BIRC6: variants seen among roughly 807,000 people sequenced by gnomAD.
BIRC6 encodes the protein baculoviral IAP repeat containing 6.
Under a neutral mutation model 503.3 loss-of-function variants are expected in BIRC6, and 98 were observed. That is an observed-to-expected ratio of 0.19 (90% CI 0.17 to 0.23). The LOEUF (loss-of-function observed/expected upper bound fraction) is 0.23. BIRC6 is among the 10% of genes least tolerant of loss of function. The pLI is 1.00. For missense variants in BIRC6, 5,360 were observed against 5,806.0 expected, an observed-to-expected ratio of 0.92 and a Z score of 2.50; for synonymous variants, 2,240 against 2,078.7, an observed-to-expected ratio of 1.08 and a Z score of -2.11.
At chr2:32,597,725 G>A (rs751839167) in intron 68 of BIRC6, 26 bp from the exon 69 acceptor site, 16 of 1,561,092 alleles carry the variant, frequency 1.0e-5, no homozygotes, top group African/African-American at 1.4e-5. Flanking sequence ...TGCAGTTCTG[G>A]GTTTTATTTT....
At chr2:32,538,548 C>T (rs80309448) in intron 61 of BIRC6, among the ~76,000 whole-genome samples, 1 of 152,192 alleles carries the variant, frequency 6.6e-6, no homozygotes, top group Non-Finnish European at 1.5e-5. Context: ...AGGGTGATCT[C>T]CCAATAATTT....
At chr2:32,371,960 C>T (rs1459340653) in intron 1 of BIRC6, among the ~76,000 whole-genome samples, 2 of 151,838 alleles carry the variant, frequency 1.3e-5, no homozygotes, top group African/African-American at 4.8e-5. Flanking sequence ...TGCCTGCCAC[C>T]GTGCCCAGTT....
In BIRC6 at chr2:32,543,463, G is replaced by A; in HGVS notation, c.12514G>A (p.Glu4172Lys). The change falls in exon 62 of 74, where the codon GAA becomes AAA. Residue 4172 changes from glutamate (E) to lysine (K), a missense_variant. Physicochemically the swap from Glu to Lys is moderately conservative, Grantham distance 56. Coordinates refer to ENST00000421745, the MANE Select transcript of BIRC6 (RefSeq NM_016252.4). ...GLFLRLPGYA[E>K]VLLKERKHAQ... ...ATTTCTTCGTCTTCCGGGCTATGCGGAAGTGCTACTGAAAGAGAGAAAACA... is the reference window on the plus strand; with the variant it reads ...ATTTCTTCGTCTTCCGGGCTATGCGAAAGTGCTACTGAAAGAGAGAAAACA... The A allele has an allele frequency of 6.2e-7, 1 of 1,614,010 alleles. No individual in the cohort carries two copies. The highest frequency in any genetic ancestry group is 1.1e-5 in the South Asian group (1 of 91,086).
intron 62 of BIRC6, among the ~76,000 whole-genome samples, chr2:32,545,184 T>C (rs1266155697): frequency 4.6e-5 from 7 of 152,182 alleles, no homozygotes; most frequent in Non-Finnish European, 1.0e-4. Context: ...CATTGCTTTC[T>C]TTGCATTTAA....
intron 55 of BIRC6, among the ~76,000 whole-genome samples, chr2:32,516,797 C>CA (rs1263876738): frequency 6.6e-6 from 1 of 151,942 alleles, no homozygotes; most frequent in Non-Finnish European, 1.5e-5. Flanking sequence ...TGACCTTGGG[C>CA]ATATTGGTTA....
At chr2:32,546,815 A>G (rs921100638) in intron 63 of BIRC6, among the ~76,000 whole-genome samples, 2 of 152,144 alleles carry the variant, frequency 1.3e-5, no homozygotes, top group African/African-American at 4.8e-5. Flanking sequence ...ATGGTAGCTC[A>G]TGTTTGTAAT....
chr2:32,431,114 T>A, intron 12 of BIRC6, 24 bp downstream of exon 12: 1 of 1,509,720 alleles, frequency 6.6e-7, no homozygotes, highest in Non-Finnish European at 9.1e-7. Context: ...CCAAGATAAT[T>A]AATTTTAAGT....
rs1311326300 is a variant in BIRC6 at position 32,518,826 on chromosome 2, G to C, written c.11503G>C (p.Gly3835Arg). 1.2e-6 allele frequency: 2 copies of C among 1,613,018 alleles called. No homozygotes were observed. The highest frequency in any genetic ancestry group is 3.3e-5 in the Admixed American group (2 of 59,998). Residue 3835 changes from glycine (G) to arginine (R), a missense_variant, in exon 57 of 74, where the codon GGT becomes CGT. This residue lies in a region of BIRC6 where 878 missense variants were observed against 928.9 expected (regional missense o/e 0.95). Transcript: ENST00000421745. ...ATTTCTTGATTTTCAGCTGTACAAA[G>C]GTAGAATTAATGCTACTAGCCACGT... ...FLQSPCPLYKGRINATSHVIQ... is the reference protein window; with the variant it reads ...FLQSPCPLYKRRINATSHVIQ...
At chr2:32,493,412 A>C in intron 44 of BIRC6, 128 bp from the exon 45 acceptor site, 2 of 761,886 alleles carry the variant, frequency 2.6e-6, no homozygotes, top group Non-Finnish European at 4.0e-6. Context: ...CATTGTTAAT[A>C]CTTTTGTTTT....
chr2:32,370,788 C>T (rs1432632820), intron 1 of BIRC6, among the ~76,000 whole-genome samples: 1 of 151,938 alleles, frequency 6.6e-6, no homozygotes, highest in East Asian at 1.9e-4. Flanking sequence ...TCTTTATTGA[C>T]TTTGAATGAT....
At position 32,357,292 on chromosome 2, in the gene BIRC6, CGGCGGG is replaced by C. The variant is rs776739671; in HGVS notation, c.143_148del (p.Gly48_Ala49del). On this transcript the variant is annotated inframe_deletion, in exon 1 of 74. Coordinates refer to ENST00000421745, the MANE Select transcript of BIRC6 (RefSeq NM_016252.4). This position sits in a 1 kb window ranked among gnomAD's most constrained non-coding sequence, Gnocchi z 4.9. Reference sequence around the variant, plus strand: ...GCCTCGGGCCCCGGCTGCTCCTCGGCGGCGGGGGCGGGGGCGGCCGGGGTCTCAGAG... The same window carrying C: ...GCCTCGGGCCCCGGCTGCTCCTCGGCGGCGGGGGCGGCCGGGGTCTCAGAG... 7.2e-6 allele frequency: 11 copies of C among 1,524,306 alleles called. No homozygotes were observed. Among genetic ancestry groups the C allele is most frequent in the Admixed American group, 6.3e-5 (3 of 47,332 alleles). The allele number at this position is 1,524,306 out of a possible 1,614,324, so 94.4% of individuals were successfully genotyped here. A position where few individuals can be genotyped will look rare whatever the true frequency, so the allele number is the denominator to read the frequency against.
intron 15 of BIRC6, among the ~76,000 whole-genome samples, chr2:32,439,190 CGTGTGTATGTGTGTGT>C (rs967219101): frequency 4.0e-5 from 6 of 149,524 alleles, no homozygotes; most frequent in Non-Finnish European, 7.4e-5. Context: ...TGTGTGTGTG[CGTGTGTATGTGTGTGT>C]GTAGTTGATG....
At position 32,439,529 on chromosome 2, in the gene BIRC6, G is replaced by A. The variant is rs1451029366; in HGVS notation, c.3653G>A (p.Arg1218His). Residue 1218 changes from arginine (R) to histidine (H), a missense_variant, in exon 16 of 74, where the codon CGT becomes CAT. Physicochemically the swap from Arg to His is conservative, Grantham distance 29. Coordinates refer to ENST00000421745, the MANE Select transcript of BIRC6 (RefSeq NM_016252.4). Reference protein sequence around the residue: ...LVKGMAGGKYRSFLIHVKAVN... With the variant: ...LVKGMAGGKYHSFLIHVKAVN... The stretch of plus-strand genomic sequence containing the variant: ...CTAGGTATGGCAGGAGGAAAATATC[G>A]TTCGTTTTTAATCCATGTCAAGGCA... The A allele has an allele frequency of 5.0e-6, 8 of 1,613,254 alleles. No individual in the cohort carries two copies. Among genetic ancestry groups the A allele is most frequent in the South Asian group, 1.1e-5 (1 of 90,904 alleles).
intron 65 of BIRC6, among the ~76,000 whole-genome samples, chr2:32,561,832 A>T (rs1037958522): frequency 2.7e-5 from 4 of 150,688 alleles, no homozygotes; most frequent in Non-Finnish European, 5.9e-5. Flanking sequence ...TCACGAGGTC[A>T]GGAGTTCGAG....
chr2:32,397,057 T>G (rs1436413446), intron 6 of BIRC6, among the ~76,000 whole-genome samples: 3 of 152,116 alleles, frequency 2.0e-5, no homozygotes, highest in Non-Finnish European at 4.4e-5. Flanking sequence ...CAATATACTG[T>G]AATAAAAGTT....
At position 32,461,048 on chromosome 2, in the gene BIRC6, T is replaced by C. The variant is rs202077803; in HGVS notation, c.4754-2146T>C. Among the ~76,000 whole-genome samples the C allele has an allele frequency of 7.1e-3, 435 of 61,014 alleles. 14 individuals carry two copies. The highest frequency in any genetic ancestry group is 0.012 in the Non-Finnish European group (296 of 24,316). 40.0% of individuals were successfully genotyped at this position (61,014 alleles called of 152,430 possible). A position where few individuals can be genotyped will look rare whatever the true frequency, so the allele number is the denominator to read the frequency against. On this transcript the variant is annotated intron_variant, in intron 23 of 73. Coordinates refer to ENST00000421745, the MANE Select transcript of BIRC6 (RefSeq NM_016252.4). ...TTCTCTTCTCTTCTCTTCTCTTCTCTTCTCTTCTCTTCTCTTCTGTTCTCC... is the reference window on the plus strand; with the variant it reads ...TTCTCTTCTCTTCTCTTCTCTTCTCCTCTCTTCTCTTCTCTTCTGTTCTCC...
At chr2:32,455,993 A>C (rs2148682061) in intron 23 of BIRC6, among the ~76,000 whole-genome samples, 1 of 152,336 alleles carries the variant, frequency 6.6e-6, no homozygotes, top group African/African-American at 2.4e-5. Context: ...TATAATATCT[A>C]TGCGGAAAAG....
In BIRC6 at chr2:32,442,463, T is replaced by A; in HGVS notation, c.4238+8T>A. 1 of 1,590,206 alleles carries A rather than the reference T, an allele frequency of 6.3e-7. No individual in the cohort carries two copies. The highest frequency in any genetic ancestry group is 1.3e-5 in the African/African-American group (1 of 74,524). On this transcript the variant is annotated splice_region_variant and intron_variant, in intron 19 of 73. Transcript: ENST00000421745. Reference sequence around the variant, plus strand: ...TCTAGCCTTGTGCATTAGGTTGGTATGTTTTTAAGTTGAAAGCATACTTTC... The same window carrying A: ...TCTAGCCTTGTGCATTAGGTTGGTAAGTTTTTAAGTTGAAAGCATACTTTC...
In BIRC6 at chr2:32,464,493, T is replaced by G; in HGVS notation, c.4942-16T>G. 1 of 1,547,908 alleles carries G rather than the reference T, an allele frequency of 6.5e-7. No individual in the cohort carries two copies. The highest frequency in any genetic ancestry group is 8.7e-7 in the Non-Finnish European group (1 of 1,144,572). ...GCAGGATTAGTCTATATATGTTGCT[T>G]TTACTTCTTTTGCAGAAAGCAAAGC... On this transcript the variant is annotated splice_polypyrimidine_tract_variant and intron_variant, in intron 24 of 73. Transcript: ENST00000421745.
Sources: allele counts gnomAD v4.1 joint callset (sites outside exome capture counted in the v4.1 genomes callset), GRCh38; gene constraint gnomAD v4.1.1; regional missense constraint gnomAD v4.1.1; non-coding constraint Gnocchi (gnomAD v3.1); transcripts MANE v1.5; gene names NCBI Gene and HGNC (gene_info 2026-07-23, HGNC 2026-07-21).